Variants in SMIM20 observed in about 807,000 individuals in gnomAD.
The protein encoded by SMIM20 is small integral membrane protein 20.
In SMIM20, 3 loss-of-function variants were observed where a neutral mutation model predicts 8.7. That is an observed-to-expected ratio of 0.34 (90% confidence interval 0.16 to 0.89). The LOEUF (loss-of-function observed/expected upper bound fraction) is 0.89. Ranked by LOEUF, SMIM20 falls within the 40% of genes least tolerant of loss-of-function variation. The pLI is 0.49. For synonymous variants in SMIM20, 44 were observed against 33.6 expected (o/e 1.31, Z -1.07); for missense variants, 85 against 84.8 (o/e 1.00, Z -0.01).
chr4:25,925,442 G>A (rs975421267), intron 1 of SMIM20, among the ~76,000 whole-genome samples: 7 of 152,036 alleles, frequency 4.6e-5, no homozygotes, highest in African/African-American at 1.7e-4. Context: ...TCGTCACGTT[G>A]GCCAGGCTGG....
chr4:25,928,506 T>C (rs1324831176), intron 2 of SMIM20, 137 bp downstream of exon 2: 3 of 860,338 alleles, frequency 3.5e-6, no homozygotes, highest in African/African-American at 1.8e-5. Context: ...TTGCTATTTA[T>C]TTCTCAACAG....
At chr4:25,917,816 G>A (rs1465518147) in intron 1 of SMIM20, among the ~76,000 whole-genome samples, 2 of 152,138 alleles carry the variant, frequency 1.3e-5, no homozygotes, top group Non-Finnish European at 2.9e-5. Context: ...GGTCTTTTCT[G>A]GTGACTTTTG....
At chr4:25,924,988 G>T (rs1208574501) in intron 1 of SMIM20, among the ~76,000 whole-genome samples, 1 of 152,044 alleles carries the variant, frequency 6.6e-6, no homozygotes. Flanking sequence ...ATTATCTTCA[G>T]TCTATGTATA....
At chr4:25,916,223 T>C (rs543525958) in intron 1 of SMIM20, among the ~76,000 whole-genome samples, 1 of 152,152 alleles carries the variant, frequency 6.6e-6, no homozygotes, top group East Asian at 1.9e-4. Flanking sequence ...GGTTCCTTTT[T>C]GTTTTTTTTT....
rs553891161 is a variant in SMIM20, at chr4:25,918,919, A to T, written c.109+4497A>T. Reference sequence around the variant, plus strand: ...TTTTTTTTTTTTTTTTTTTTTTGAGACGGAGTCTCGCTCTGTCGCCCAGGC... The same window carrying T: ...TTTTTTTTTTTTTTTTTTTTTTGAGTCGGAGTCTCGCTCTGTCGCCCAGGC... On this transcript the variant is annotated intron_variant, in intron 1 of 2. Coordinates refer to ENST00000506197, the MANE Select transcript of SMIM20 (RefSeq NM_001145432.3). Among the ~76,000 whole-genome samples, 14 of 90,520 alleles carry T rather than the reference A, an allele frequency of 1.5e-4. No individual in the cohort carries two copies. The South Asian group carries it at 3.3e-3, about 21-fold the overall frequency. 59.4% of individuals were successfully genotyped at this position (90,520 alleles called of 152,430 possible).
At chr4:25,917,959 T>C (rs1341908692) in intron 1 of SMIM20, among the ~76,000 whole-genome samples, 2 of 150,882 alleles carry the variant, frequency 1.3e-5, no homozygotes, top group Non-Finnish European at 3.0e-5. Context: ...TTTTTTTTTT[T>C]TGAGACAGAG....
intron 1 of SMIM20, among the ~76,000 whole-genome samples, chr4:25,920,244 C>T (rs554738564): frequency 6.6e-6 from 1 of 152,194 alleles, no homozygotes; most frequent in South Asian, 2.1e-4. Flanking sequence ...TTTTGGCCCG[C>T]GATAGACCAT....
intron 1 of SMIM20, among the ~76,000 whole-genome samples, chr4:25,927,144 G>C (rs1711530021): frequency 6.6e-6 from 1 of 152,226 alleles, no homozygotes; most frequent in Admixed American, 6.5e-5. Context: ...GAGGAGCAGT[G>C]AAACCATCAG....
Position 25,914,298 on chromosome 4 carries a change from C to T in SMIM20, c.-16C>T. 7 of 1,548,808 alleles carry T rather than the reference C, an allele frequency of 4.5e-6. No individual in the cohort carries two copies. The highest frequency in any genetic ancestry group is 2.4e-5 in the East Asian group (1 of 40,864). On this transcript the variant is annotated 5_prime_UTR_variant, in exon 1 of 3. Transcript: ENST00000506197. ...CCGGGCGGTCGGCGGGTCAGGGCAG[C>T]CCGGGGCCTGACGCCATGTCCCGGA...
chr4:25,928,306 T>G lies in SMIM20; in HGVS notation c.110-7T>G. Reference sequence around the variant, plus strand: ...CTAAAGAATGATTTTTCTCTTATGTTTCTCAGAGAAGGAACAAGCTATAAA... The same window carrying G: ...CTAAAGAATGATTTTTCTCTTATGTGTCTCAGAGAAGGAACAAGCTATAAA... On this transcript the variant is annotated splice_region_variant and splice_polypyrimidine_tract_variant and intron_variant, in intron 1 of 2. Coordinates refer to ENST00000506197, the MANE Select transcript of SMIM20 (RefSeq NM_001145432.3). 1 of 1,550,312 alleles carries G rather than the reference T, an allele frequency of 6.5e-7. No individual in the cohort carries two copies. Among genetic ancestry groups the G allele is most frequent in the Non-Finnish European group, 8.7e-7 (1 of 1,146,518 alleles).
chr4:25,916,131 G>C (rs1719087409), intron 1 of SMIM20, among the ~76,000 whole-genome samples: 1 of 152,206 alleles, frequency 6.6e-6, no homozygotes, highest in Non-Finnish European at 1.5e-5. Context: ...ATGTTCATCT[G>C]TGGGTGAACA....
chr4:25,922,342 G>A (rs1013251152), intron 1 of SMIM20, among the ~76,000 whole-genome samples: 2 of 152,200 alleles, frequency 1.3e-5, no homozygotes, highest in Non-Finnish European at 2.9e-5. Context: ...CCAAAGGCAA[G>A]GCACCTCTTC....
chr4:25,915,942 C>T (rs185952513), intron 1 of SMIM20, among the ~76,000 whole-genome samples: 33 of 149,598 alleles, frequency 2.2e-4, no homozygotes, highest in Middle Eastern at 7.0e-3. Context: ...GCATACAAGA[C>T]AGACCCCCAT....
chr4:25,919,362 A>G (rs577210320), intron 1 of SMIM20, among the ~76,000 whole-genome samples: 44 of 149,984 alleles, frequency 2.9e-4, no homozygotes, highest in Non-Finnish European at 5.2e-4. Flanking sequence ...TTTTCTTGAG[A>G]CAGTCTTGCT....
Position 25,916,006 on chromosome 4 carries a change from G to A in SMIM20, c.109+1584G>A, listed in dbSNP as rs535243462. On this transcript the variant is annotated intron_variant, in intron 1 of 2. Coordinates refer to ENST00000506197, the MANE Select transcript of SMIM20 (RefSeq NM_001145432.3). ...AGTGGTGCCTTGGTTGAGAAACCCT[G>A]CTTGAGATGAAATGGTCAAGATGGG... 1.1e-3 allele frequency among the ~76,000 whole-genome samples: 162 copies of A among 152,254 alleles called. 2 individuals are homozygous for A. Among genetic ancestry groups the A allele is most frequent in the Admixed American group, 5.6e-3 (85 of 15,294 alleles).
At chr4:25,919,767 TAG>T (rs1437399332) in intron 1 of SMIM20, among the ~76,000 whole-genome samples, 1 of 152,252 alleles carries the variant, frequency 6.6e-6, no homozygotes, top group African/African-American at 2.4e-5. Flanking sequence ...TTATAAAGTT[TAG>T]AGTTAGTCAG....
chr4:25,921,727 G>T (rs748781903), intron 1 of SMIM20, among the ~76,000 whole-genome samples: 2 of 152,172 alleles, frequency 1.3e-5, no homozygotes, highest in Non-Finnish European at 2.9e-5. Context: ...GGGTTCCCAG[G>T]CAGCATTCAG....
chr4:25,927,170 G>A (rs1711530224), intron 1 of SMIM20, among the ~76,000 whole-genome samples: 1 of 152,214 alleles, frequency 6.6e-6, no homozygotes, highest in African/African-American at 2.4e-5. Context: ...TTGTTGCCTG[G>A]AATAGGCCTG....
chr4:25,928,388 A>G lies in SMIM20; in HGVS notation c.166+19A>G. On this transcript the variant is annotated intron_variant, in intron 2 of 2. Coordinates refer to ENST00000506197, the MANE Select transcript of SMIM20 (RefSeq NM_001145432.3). ...CCACCAGGTAAACTGAAAAAAAAAA[A>G]TCAAAACCAAATCTTATTTGTACTA... 6.5e-7 allele frequency: 1 copy of G among 1,547,518 alleles called. No individual in the cohort carries two copies. The highest frequency in any genetic ancestry group is 8.7e-7 in the Non-Finnish European group (1 of 1,145,392).
Sources: allele counts gnomAD v4.1 joint callset (sites outside exome capture counted in the v4.1 genomes callset), GRCh38; gene constraint gnomAD v4.1.1; transcripts MANE v1.5; gene names NCBI Gene and HGNC (gene_info 2026-07-23, HGNC 2026-07-21).